Variants in HS6ST3 observed in about 807,000 individuals in gnomAD.
The protein encoded by HS6ST3 is heparan-sulfate 6-O-sulfotransferase 3.
In HS6ST3, 12 loss-of-function variants were observed where a neutral mutation model predicts 36.7. That is an observed-to-expected ratio of 0.33 (90% CI 0.21 to 0.53). The LOEUF (loss-of-function observed/expected upper bound fraction) is 0.53. HS6ST3 is among the 20% of genes least tolerant of loss of function. The probability of loss-of-function intolerance (pLI) is 0.95; values close to 1 mark genes in which losing one functional copy is unlikely to be tolerated. For missense variants in HS6ST3, 584 were observed against 640.9 expected (o/e 0.91, Z 0.96); for synonymous variants, 240 against 257.5 (o/e 0.93, Z 0.65).
At chr13:96,233,554 T>A (rs1461238445) in intron 1 of HS6ST3, among the ~76,000 whole-genome samples, 1 of 152,142 alleles carries the variant, frequency 6.6e-6, no homozygotes, top group Non-Finnish European at 1.5e-5. Flanking sequence ...GAAACAGTGA[T>A]GAGGGCTGGA....
intron 1 of HS6ST3, among the ~76,000 whole-genome samples, chr13:96,104,465 C>T (rs2053831887): frequency 6.6e-6 from 1 of 152,146 alleles, no homozygotes; most frequent in South Asian, 2.1e-4. Flanking sequence ...CACGCTTTGA[C>T]ATTTGTGGAC....
chr13:96,409,270 G>C (rs561818281), intron 1 of HS6ST3, among the ~76,000 whole-genome samples: 1 of 152,328 alleles, frequency 6.6e-6, no homozygotes, highest in African/African-American at 2.4e-5. Flanking sequence ...ACTCCATGCT[G>C]ATAGCCAGTA....
chr13:96,116,090 G>A (rs578030830), intron 1 of HS6ST3, among the ~76,000 whole-genome samples: 7 of 152,306 alleles, frequency 4.6e-5, no homozygotes, highest in African/African-American at 1.4e-4. Context: ...GGGCAACACA[G>A]CAGCATCTCT....
intron 1 of HS6ST3, among the ~76,000 whole-genome samples, chr13:96,297,075 G>A (rs1594746140): frequency 6.6e-6 from 1 of 151,912 alleles, no homozygotes; most frequent in East Asian, 1.9e-4. Context: ...CTATATTACA[G>A]ACTCTTTAGC....
At chr13:96,347,329 T>C (rs2139429212) in intron 1 of HS6ST3, among the ~76,000 whole-genome samples, 1 of 152,336 alleles carries the variant, frequency 6.6e-6, no homozygotes, top group East Asian at 1.9e-4. Context: ...CAAAAGCACG[T>C]TATGGTTGAC....
intron 1 of HS6ST3, among the ~76,000 whole-genome samples, chr13:96,489,854 A>C (rs1472782029): frequency 6.6e-6 from 1 of 152,100 alleles, no homozygotes; most frequent in African/African-American, 2.4e-5. Context: ...ATATCAGATA[A>C]CACTATTCTT....
intron 1 of HS6ST3, among the ~76,000 whole-genome samples, chr13:96,467,525 G>A (rs1043483030): frequency 6.6e-6 from 1 of 152,162 alleles, no homozygotes; most frequent in Non-Finnish European, 1.5e-5. Context: ...AATGTGTTGA[G>A]CACCTACCAT....
chr13:96,790,589 G>A (rs972086855), intron 1 of HS6ST3, among the ~76,000 whole-genome samples: 3 of 151,936 alleles, frequency 2.0e-5, no homozygotes, highest in African/African-American at 7.2e-5. Context: ...AGTTTCTACT[G>A]CATGTTAAGT....
At chr13:96,763,387 A>T (rs1020875572) in intron 1 of HS6ST3, among the ~76,000 whole-genome samples, 1 of 150,856 alleles carries the variant, frequency 6.6e-6, no homozygotes. Context: ...GCTACTCAGG[A>T]GGCTGAAGCA....
chr13:96,521,254 G>A (rs190385399), intron 1 of HS6ST3, among the ~76,000 whole-genome samples: 71 of 152,324 alleles, frequency 4.7e-4, no homozygotes, highest in African/African-American at 1.7e-3. Flanking sequence ...TGGTTTGCCA[G>A]TATTTTATTG....
At chr13:96,712,587 G>A (rs748510595) in intron 1 of HS6ST3, among the ~76,000 whole-genome samples, 4 of 152,112 alleles carry the variant, frequency 2.6e-5, no homozygotes, top group South Asian at 2.1e-4. Context: ...CTTTGGGAGC[G>A]CCAAATAGCA....
intron 1 of HS6ST3, among the ~76,000 whole-genome samples, chr13:96,378,869 T>G (rs1267748765): frequency 5.9e-5 from 9 of 152,310 alleles, no homozygotes; most frequent in African/African-American, 1.9e-4. Flanking sequence ...TTTCACAAAC[T>G]TGATGAATAA....
chr13:96,764,759 T>C (rs1285917381), intron 1 of HS6ST3, among the ~76,000 whole-genome samples: 2 of 151,798 alleles, frequency 1.3e-5, no homozygotes, highest in South Asian at 4.1e-4. Flanking sequence ...CTTTCTCATA[T>C]TTTCAACTCT....
chr13:96,634,821 C>T (rs574560301), intron 1 of HS6ST3, among the ~76,000 whole-genome samples: 139 of 152,128 alleles, frequency 9.1e-4, no homozygotes, highest in Non-Finnish European at 1.7e-3. Flanking sequence ...TTCTCTCTTT[C>T]AATGAGTTAT....
At chr13:96,572,823 C>T (rs1262965113) in intron 1 of HS6ST3, among the ~76,000 whole-genome samples, 3 of 152,162 alleles carry the variant, frequency 2.0e-5, no homozygotes, top group Non-Finnish European at 4.4e-5. Flanking sequence ...TGTTCAACTT[C>T]CAAGATGCAT....
intron 1 of HS6ST3, among the ~76,000 whole-genome samples, chr13:96,412,606 T>C (rs1826738689): frequency 6.6e-6 from 1 of 152,052 alleles, no homozygotes; most frequent in African/African-American, 2.4e-5. Context: ...GAGTATGTGC[T>C]GTTATAGAGC....
chr13:96,341,553 C>A (rs912219460), intron 1 of HS6ST3, among the ~76,000 whole-genome samples: 3 of 152,076 alleles, frequency 2.0e-5, no homozygotes, highest in African/African-American at 7.2e-5. Context: ...TATTCTCACC[C>A]TGGGGATCTA....
At chr13:96,597,419 T>A (rs2056405723) in intron 1 of HS6ST3, among the ~76,000 whole-genome samples, 1 of 152,236 alleles carries the variant, frequency 6.6e-6, no homozygotes, top group African/African-American at 2.4e-5. Flanking sequence ...TGCATTTTCC[T>A]GATGATTGGT....
intron 1 of HS6ST3, among the ~76,000 whole-genome samples, chr13:96,366,745 G>A (rs1325688268): frequency 6.6e-6 from 1 of 152,106 alleles, no homozygotes; most frequent in African/African-American, 2.4e-5. Flanking sequence ...TTCTTGATAT[G>A]GTTTGGCTGT....
Sources: gnomAD v4.1 joint callset for allele counts (sites outside exome capture counted in the v4.1 genomes callset) on GRCh38, gnomAD v4.1.1 for gene constraint, MANE v1.5 for transcripts, NCBI Gene and HGNC (gene_info 2026-07-23, HGNC 2026-07-21) for gene names.